Variants in AKAP11 observed in about 807,000 individuals in gnomAD.
AKAP11 encodes A-kinase anchoring protein 11.
A neutral mutation model predicts 146.1 loss-of-function variants in AKAP11; 36 were observed. The observed-to-expected ratio is 0.25, with a 90% CI of 0.19 to 0.33. The LOEUF (loss-of-function observed/expected upper bound fraction) is 0.33. Among genes scored for constraint, AKAP11 ranks in the 10% least tolerant of loss-of-function variants. The pLI, the probability that AKAP11 is intolerant of heterozygous loss-of-function variation, is 1.00. For missense variants in AKAP11, 2,201 were observed against 2,197.0 expected (o/e 1.00, Z -0.04); for synonymous variants, 780 against 786.5 (o/e 0.99, Z 0.14).
In AKAP11 at chr13:42,302,791, C is replaced by T. The variant is rs776989779; in HGVS notation, c.4045C>T (p.Leu1349Phe). The T allele has an allele frequency of 1.9e-6, 3 of 1,613,842 alleles. No individual in the cohort carries two copies. The highest frequency in any genetic ancestry group is 1.1e-5 in the South Asian group (1 of 91,044). ...ESVTDEYAGH[L>F]IQILKQEGGN... is the part of the protein sequence containing the mutation. ...TGTGACAGATGAATATGCAGGTCACCTTATTCAGATACTAAAACAGGAAGG... is the reference window on the plus strand; with the variant it reads ...TGTGACAGATGAATATGCAGGTCACTTTATTCAGATACTAAAACAGGAAGG... The change falls in exon 8 of 13, where the codon CTT (leucine) becomes TTT (phenylalanine). Residue 1349 changes from leucine to phenylalanine, a missense_variant. Around this residue, in one of 3 missense-constraint regions of AKAP11, gnomAD observed 1,867 missense variants for 1,833.5 expected, o/e 1.02. Coordinates refer to ENST00000025301, the MANE Select transcript of AKAP11 (RefSeq NM_016248.4).
At chr13:42,304,598 A>G (rs1183676361) in intron 8 of AKAP11, among the ~76,000 whole-genome samples, 2 of 152,238 alleles carry the variant, frequency 1.3e-5, no homozygotes, top group African/African-American at 2.4e-5. Context: ...AAGTTTTCTT[A>G]TAAAGACCAT....
chr13:42,285,056 A>AATATAC (rs1959139264), intron 1 of AKAP11, among the ~76,000 whole-genome samples: 1 of 152,372 alleles, frequency 6.6e-6, no homozygotes, highest in East Asian at 1.9e-4. Context: ...ATAGCAAAAG[A>AATATAC]ATATACAATT....
chr13:42,306,498 T>G (rs989384310), intron 8 of AKAP11, among the ~76,000 whole-genome samples: 18 of 152,238 alleles, frequency 1.2e-4, no homozygotes, highest in African/African-American at 4.1e-4. Context: ...AAGTTCTTCC[T>G]GTAAGCCAGT....
chr13:42,313,992 C>T (rs1291278847), intron 11 of AKAP11, 52 bp downstream of exon 11: 1 of 1,571,810 alleles, frequency 6.4e-7, no homozygotes, highest in East Asian at 2.2e-5. Flanking sequence ...ATAAGGTTTC[C>T]TAGAAGAGTC....
chr13:42,280,171 G>A (rs1445440464), intron 1 of AKAP11, among the ~76,000 whole-genome samples: 3 of 152,134 alleles, frequency 2.0e-5, no homozygotes, highest in Non-Finnish European at 4.4e-5. Context: ...TCCTGTCCCT[G>A]TATTGTGACC....
rs147360547 is a variant in AKAP11 at position 42,302,936 on chromosome 13, C to T, written c.4190C>T (p.Pro1397Leu). 17 of 1,613,762 alleles carry T rather than the reference C, an allele frequency of 1.1e-5. No homozygotes were observed. The Admixed American group carries it at 2.2e-4, about 21-fold the overall frequency. Residue 1397 changes from proline to leucine, a missense_variant, in exon 8 of 13, where the codon CCT (proline) becomes CTT (leucine). Pro to Leu is a moderately conservative substitution (Grantham distance 98). Coordinates refer to ENST00000025301, the MANE Select transcript of AKAP11 (RefSeq NM_016248.4). ...TKVQCNSRMF[P>L]VPSSQVKTNK... ...GTGCAGTGCAACTCAAGAATGTTCCCTGTGCCAAGTTCACAAGTGAAAACA... is the reference window on the plus strand; with the variant it reads ...GTGCAGTGCAACTCAAGAATGTTCCTTGTGCCAAGTTCACAAGTGAAAACA...
rs1961090298 is a variant in AKAP11, at chr13:42,321,609, T to C, written c.*2381T>C. The stretch of plus-strand genomic sequence containing the variant: ...AGAGAAAATAATTTTGAGTTTAGAG[T>C]ATTATCTTTTAATTAAGTGTAGTCT... On this transcript the variant is annotated 3_prime_UTR_variant, in exon 13 of 13. Transcript: ENST00000025301. 1 of 152,232 alleles carries C rather than the reference T, an allele frequency of 6.6e-6. No homozygotes were observed. The highest frequency in any genetic ancestry group is 2.4e-5 in the African/African-American group (1 of 41,412). The allele number at this position is 152,232 out of a possible 1,614,324, so 9.4% of individuals were successfully genotyped here.
intron 11 of AKAP11, 121 bp from the exon 12 acceptor site, chr13:42,317,407 A>T (rs980658202): frequency 2.0e-5 from 21 of 1,061,416 alleles, no homozygotes; most frequent in Admixed American, 1.5e-4. Flanking sequence ...AAAGATGGAT[A>T]TTTTTTTCAC....
chr13:42,311,135 A>T (rs1320753572), intron 9 of AKAP11, among the ~76,000 whole-genome samples: 1 of 152,214 alleles, frequency 6.6e-6, no homozygotes. Context: ...TTTTTATAAG[A>T]TGTATCACAA....
chr13:42,287,300 T>C (rs114696699), intron 3 of AKAP11, among the ~76,000 whole-genome samples: 3,263 of 152,186 alleles, frequency 0.021, 114 homozygotes, highest in African/African-American at 0.072. Context: ...TTTTTTTTTT[T>C]TGGGACACAG....
intron 5 of AKAP11, among the ~76,000 whole-genome samples, chr13:42,296,625 A>G (rs1016427756): frequency 6.6e-6 from 1 of 152,108 alleles, no homozygotes; most frequent in Non-Finnish European, 1.5e-5. Flanking sequence ...AAAGATAGAA[A>G]AACGGATTAT....
At chr13:42,306,826 A>G (rs970558733) in intron 8 of AKAP11, among the ~76,000 whole-genome samples, 1 of 152,144 alleles carries the variant, frequency 6.6e-6, no homozygotes, top group African/African-American at 2.4e-5. Context: ...AAATTATGTG[A>G]TAGTACATTT....
chr13:42,312,806 A>C (rs1290975278), intron 9 of AKAP11, among the ~76,000 whole-genome samples: 1 of 152,194 alleles, frequency 6.6e-6, no homozygotes, highest in Non-Finnish European at 1.5e-5. Flanking sequence ...AATCTGTAAA[A>C]TATAAGTTTA....
chr13:42,272,135 C>T (rs1319225422), upstream of AKAP11: 5 of 142,224 alleles, frequency 3.5e-5, no homozygotes, highest in East Asian at 1.1e-3. Flanking sequence ...GGCTGGGGGT[C>T]AGCGCGGGAG....
rs1450332631 is a variant in AKAP11 at position 42,302,548 on chromosome 13, A to G, written c.3802A>G (p.Ile1268Val). The part of the protein sequence containing the change: ...NFAGDLAAEV[I>V]TEAEKIAKVR... Reference sequence around the variant, plus strand: ...TGCGGGTGATCTGGCAGCAGAAGTCATTACAGAAGCTGAGAAAATAGCAAA... The same window carrying G: ...TGCGGGTGATCTGGCAGCAGAAGTCGTTACAGAAGCTGAGAAAATAGCAAA... Residue 1268 changes from isoleucine to valine, a missense_variant, in exon 8 of 13, where the codon ATT (isoleucine) becomes GTT (valine). Ile to Val is a conservative substitution (Grantham distance 29, BLOSUM62 3). Around this residue, in one of 3 missense-constraint regions of AKAP11, gnomAD observed 1,867 missense variants for 1,833.5 expected, o/e 1.02. Coordinates refer to ENST00000025301, the MANE Select transcript of AKAP11 (RefSeq NM_016248.4). 1.1e-5 allele frequency: 18 copies of G among 1,614,068 alleles called. No individual in the cohort carries two copies. The highest frequency in any genetic ancestry group is 1.4e-5 in the Non-Finnish European group (17 of 1,180,038).
At chr13:42,310,951 A>G (rs1484035834) in intron 9 of AKAP11, among the ~76,000 whole-genome samples, 1 of 152,114 alleles carries the variant, frequency 6.6e-6, no homozygotes, top group Non-Finnish European at 1.5e-5. Context: ...TAAAAAACAC[A>G]CTAATTTCAG....
intron 8 of AKAP11, among the ~76,000 whole-genome samples, chr13:42,308,065 G>A (rs1304304869): frequency 6.6e-6 from 1 of 152,110 alleles, no homozygotes; most frequent in African/African-American, 2.4e-5. Flanking sequence ...TGTTCTTAAA[G>A]CCAGAAAGAG....
At chr13:42,315,122 CAG>C (rs570186146) in intron 11 of AKAP11, among the ~76,000 whole-genome samples, 2 of 152,226 alleles carry the variant, frequency 1.3e-5, no homozygotes, top group South Asian at 2.1e-4. Flanking sequence ...AGCAGGCAAA[CAG>C]AAAATAGCTA....
intron 12 of AKAP11, among the ~76,000 whole-genome samples, chr13:42,318,689 A>G (rs2138728141): frequency 6.6e-6 from 1 of 152,286 alleles, no homozygotes; most frequent in South Asian, 2.1e-4. Context: ...TGGAAGGAAA[A>G]TCCACATCCT....
Sources: allele counts gnomAD v4.1 joint callset (sites outside exome capture counted in the v4.1 genomes callset), GRCh38; gene constraint gnomAD v4.1.1; regional missense constraint gnomAD v4.1.1; transcripts MANE v1.5; gene names NCBI Gene and HGNC (gene_info 2026-07-23, HGNC 2026-07-21).